The following EYA4 variants were observed in gnomAD, a reference collection of about 807,000 sequenced individuals.
EYA4 encodes protein phosphatase EYA4.
EYA4 carries 31 observed loss-of-function variants against 87.9 expected under a neutral mutation model. The ratio of observed to expected loss-of-function variants is 0.35; its 90% CI spans 0.27 to 0.48. The LOEUF (loss-of-function observed/expected upper bound fraction) is 0.48, where lower values mean the gene tolerates loss of function less well. Among genes scored for constraint, EYA4 ranks in the 20% least tolerant of loss-of-function variants. The probability of loss-of-function intolerance (pLI) is 0.99; values close to 1 mark genes in which losing one functional copy is unlikely to be tolerated. For synonymous variants in EYA4, 263 were observed against 270.6 expected, an observed-to-expected ratio of 0.97 and a Z score of 0.28; for missense variants, 678 against 761.4, an observed-to-expected ratio of 0.89 and a Z score of 1.29.
intron 2 of EYA4, among the ~76,000 whole-genome samples, chr6:133,354,385 T>C (rs1302130936): frequency 1.3e-5 from 2 of 152,108 alleles, no homozygotes; most frequent in African/African-American, 4.8e-5. Flanking sequence ...TGTTGAAAAG[T>C]CATAGCAATA....
intron 14 of EYA4, among the ~76,000 whole-genome samples, chr6:133,508,498 G>T (rs1798846905): frequency 6.6e-6 from 1 of 151,940 alleles, no homozygotes; most frequent in Non-Finnish European, 1.5e-5. Context: ...CTTTTCAAAG[G>T]TATAAAAAGA....
In EYA4 at chr6:133,446,657, T is replaced by C. The variant is rs35863035; in HGVS notation, c.111T>C (p.Ser37=). Residue 37 remains serine, a synonymous_variant, in exon 4 of 20, where the codon AGT becomes AGC. Transcript: ENST00000355286. ...SRSMEMQDLA[S]PHTLVGGGDT... ...CTATGGAAATGCAGGACCTAGCAAG[T>C]CCTCATACTCTTGTTGGAGGTGGTG... 1,659 of 1,613,966 alleles carry C rather than the reference T, an allele frequency of 1.0e-3. 15 individuals carry two copies. The African/African-American group carries it at 0.018, about 18-fold the overall frequency.
intron 1 of EYA4, among the ~76,000 whole-genome samples, chr6:133,260,639 C>G (rs1327159559): frequency 6.6e-6 from 1 of 152,174 alleles, no homozygotes; most frequent in Non-Finnish European, 1.5e-5. Flanking sequence ...ACCTCTAGGT[C>G]AGTCTTTATT....
intron 16 of EYA4, among the ~76,000 whole-genome samples, chr6:133,514,308 A>G (rs6912858): frequency 0.23 from 34,893 of 152,152 alleles, 5,356 homozygotes; most frequent in African/African-American, 0.43. Context: ...ATGGTAGATA[A>G]TATGTTTTAA....
intron 2 of EYA4, among the ~76,000 whole-genome samples, chr6:133,285,502 G>A (rs528563750): frequency 1.3e-5 from 2 of 152,332 alleles, no homozygotes; most frequent in East Asian, 1.9e-4. Context: ...GCATGGGCAT[G>A]TGAGGGTGGA....
At chr6:133,524,477 G>A (rs890462264) in intron 18 of EYA4, among the ~76,000 whole-genome samples, 21 of 152,248 alleles carry the variant, frequency 1.4e-4, no homozygotes, top group East Asian at 3.9e-4. Context: ...TGATGTTCCC[G>A]TAGTGCAATA....
chr6:133,356,791 GTATATA>G (rs150806047), intron 2 of EYA4, among the ~76,000 whole-genome samples: 128 of 112,924 alleles, frequency 1.1e-3, no homozygotes, highest in South Asian at 3.7e-3. Context: ...GTGTGTGTGT[GTATATA>G]TATATTTTAT....
intron 3 of EYA4, among the ~76,000 whole-genome samples, chr6:133,415,891 A>G (rs550372019): frequency 9.9e-5 from 15 of 152,238 alleles, no homozygotes; most frequent in Non-Finnish European, 1.6e-4. Context: ...AATAGTAGAG[A>G]TATGTATAGG....
chr6:133,384,144 A>C (rs886428250), intron 3 of EYA4, among the ~76,000 whole-genome samples: 1 of 152,218 alleles, frequency 6.6e-6, no homozygotes, highest in African/African-American at 2.4e-5. Context: ...TTAAACTAAC[A>C]GAAAGCGATC....
At chr6:133,345,191 A>G (rs1783099994) in intron 2 of EYA4, among the ~76,000 whole-genome samples, 1 of 152,166 alleles carries the variant, frequency 6.6e-6, no homozygotes, top group Admixed American at 6.5e-5. Flanking sequence ...AATACTGTGT[A>G]AAACTATGCT....
chr6:133,250,415 A>G (rs900027041), intron 1 of EYA4, among the ~76,000 whole-genome samples: 3 of 151,950 alleles, frequency 2.0e-5, no homozygotes, highest in Non-Finnish European at 2.9e-5. Context: ...GCCGAGGCGG[A>G]TGGATCACCT....
Position 133,506,111 on chromosome 6 carries a change from C to T in EYA4, c.1197C>T (p.Pro399=), listed in dbSNP as rs373910569. The T allele has an allele frequency of 3.8e-6, 6 of 1,596,588 alleles. No individual in the cohort carries two copies. In the African/African-American group the frequency reaches 8.0e-5, roughly 21 times the overall value. Residue 399 remains proline (P), a synonymous_variant, in exon 14 of 20, where the codon CCC becomes CCT. Coordinates refer to ENST00000355286, the MANE Select transcript of EYA4 (RefSeq NM_004100.5). ...TGTGTACATTTTCTTTACAGGATCC[C>T]CCCATGGCTGTAACCCTTGGACTCC... is the stretch of plus-strand genomic sequence containing the variant. ...GSYAQKYGKD[P]PMAVTLGLRM... is the part of the protein sequence containing the mutation.
At chr6:133,412,548 C>T (rs1355366258) in intron 3 of EYA4, among the ~76,000 whole-genome samples, 1 of 152,090 alleles carries the variant, frequency 6.6e-6, no homozygotes, top group African/African-American at 2.4e-5. Flanking sequence ...GCTTCTTTTG[C>T]TTAACTTTGT....
rs76175895 is a variant in EYA4 at position 133,328,449 on chromosome 6, A to G, written c.33+53636A>G. On this transcript the variant is annotated intron_variant, in intron 2 of 19. Transcript: ENST00000355286. ...TTAGGGATTTGTTCAGATCAATGTA[A>G]GTAATCTTCTAACACGTAGACTATG... Among the ~76,000 whole-genome samples the G allele has an allele frequency of 3.8e-3, 575 of 152,250 alleles. 1 individual carries two copies. Among genetic ancestry groups the G allele is most frequent in the Middle Eastern group, 0.017 (5 of 294 alleles).
intron 3 of EYA4, among the ~76,000 whole-genome samples, chr6:133,403,123 A>G (rs1788405724): frequency 6.6e-6 from 1 of 152,176 alleles, no homozygotes; most frequent in Non-Finnish European, 1.5e-5. Context: ...GTGTTTATGC[A>G]TTTTGTGGAA....
At chr6:133,490,549 A>G (rs961783984) in intron 13 of EYA4, among the ~76,000 whole-genome samples, 6 of 152,060 alleles carry the variant, frequency 3.9e-5, no homozygotes, top group African/African-American at 1.4e-4. Context: ...ACTTATAATC[A>G]TCAAAGTGGA....
intron 2 of EYA4, among the ~76,000 whole-genome samples, chr6:133,335,425 A>G (rs66480937): frequency 0.098 from 14,954 of 152,282 alleles, 865 homozygotes; most frequent in South Asian, 0.14. Flanking sequence ...TTTATTGAGG[A>G]TCCTACTAAA....
At chr6:133,305,925 A>G (rs1331855270) in intron 2 of EYA4, among the ~76,000 whole-genome samples, 1 of 152,180 alleles carries the variant, frequency 6.6e-6, no homozygotes, top group African/African-American at 2.4e-5. Context: ...TGTCTGTTAT[A>G]TTTCTGCCAT....
chr6:133,271,624 G>A (rs1776695793), intron 1 of EYA4, among the ~76,000 whole-genome samples: 1 of 152,168 alleles, frequency 6.6e-6, no homozygotes, highest in Non-Finnish European at 1.5e-5. Context: ...CCACATCGAG[G>A]GCTCAGTGTT....
Sources: allele counts gnomAD v4.1 joint callset (sites outside exome capture counted in the v4.1 genomes callset), GRCh38; gene constraint gnomAD v4.1.1; transcripts MANE v1.5; gene names NCBI Gene and HGNC (gene_info 2026-07-23, HGNC 2026-07-21).